The following TNNI3K variants were observed in gnomAD, a reference collection of about 807,000 sequenced individuals.
TNNI3K encodes serine/threonine-protein kinase TNNI3K.
Under a neutral mutation model 114.5 loss-of-function variants are expected in TNNI3K, and 140 were observed. That is an observed-to-expected ratio of 1.22 (90% CI 1.07 to 1.41). TNNI3K has a LOEUF of 1.41. Ranked by LOEUF, TNNI3K falls within the 40% of genes most tolerant of loss-of-function variation. The pLI, the probability that TNNI3K is intolerant of heterozygous loss-of-function variation, is 0.00. For synonymous variants in TNNI3K, 347 were observed against 347.5 expected, an observed-to-expected ratio of 1.00 and a Z score of 0.02; for missense variants, 1,125 against 1,007.6, an observed-to-expected ratio of 1.12 and a Z score of -1.58.
rs555206982 is a variant in TNNI3K at position 74,464,240 on chromosome 1, G to A, written c.2121+690G>A. On this transcript the variant is annotated intron_variant, in intron 21 of 24. Transcript: ENST00000326637. The stretch of plus-strand genomic sequence containing the variant: ...TCTGCTTTGTTCTCAGAGTGTCACC[G>A]AGGAGATTGCACAACTTCTTTCCTA... Among the ~76,000 whole-genome samples, 23 of 152,270 alleles carry A rather than the reference G, an allele frequency of 1.5e-4. 2 individuals carry two copies. The East Asian group carries it at 3.9e-3, about 26-fold the overall frequency.
At chr1:74,459,628 T>G (rs1016111748) in intron 20 of TNNI3K, among the ~76,000 whole-genome samples, 3 of 152,222 alleles carry the variant, frequency 2.0e-5, no homozygotes, top group South Asian at 2.1e-4. Context: ...CCAGATTATT[T>G]TTGGTTTATT....
chr1:74,367,953 G>A lies in TNNI3K; in HGVS notation c.1310G>A (p.Ser437Asn), dbSNP rs1394161935. 1.3e-6 allele frequency: 2 copies of A among 1,566,744 alleles called. No individual in the cohort carries two copies. The highest frequency in any genetic ancestry group is 3.9e-5 in the Admixed American group (2 of 51,210). ...SVPSPLGKIK[S>N]MTKEKADILL... is the part of the protein sequence containing the mutation. ...CCATCACCCTTGGGGAAGATTAAAAGCATGACAAAAGGTACCTATAATCTG... is the reference window on the plus strand; with the variant it reads ...CCATCACCCTTGGGGAAGATTAAAAACATGACAAAAGGTACCTATAATCTG... The change falls in exon 13 of 25, where the codon AGC becomes AAC. Residue 437 changes from serine to asparagine, a missense_variant. Coordinates refer to ENST00000326637, the MANE Select transcript of TNNI3K (RefSeq NM_015978.3).
Position 74,343,103 on chromosome 1 carries a change from G to A in TNNI3K, c.856G>A (p.Ala286Thr). The A allele has an allele frequency of 6.2e-7, 1 of 1,613,406 alleles. No homozygotes were observed. The change falls in exon 9 of 25, where the codon GCC becomes ACC. Residue 286 changes from alanine (A) to threonine (T), a missense_variant. Physicochemically the swap from Ala to Thr is moderately conservative, Grantham distance 58 (BLOSUM62 0). Coordinates refer to ENST00000326637, the MANE Select transcript of TNNI3K (RefSeq NM_015978.3). The stretch of plus-strand genomic sequence containing the variant: ...ATGCTACAATGGCAAATTTGAAGTT[G>A]CCAAGGAAATCATCCAAATATCAGG... Reference protein sequence around the residue: ...LACYNGKFEVAKEIIQISGTE... With the variant: ...LACYNGKFEVTKEIIQISGTE...
At chr1:74,519,509 AG>A (rs1160167133) in intron 23 of TNNI3K, among the ~76,000 whole-genome samples, 2 of 148,910 alleles carry the variant, frequency 1.3e-5, no homozygotes, top group South Asian at 2.1e-4. Flanking sequence ...ACAGTGTAAA[AG>A]TGTTCCTATT....
chr1:74,504,439 T>C (rs377167843), intron 23 of TNNI3K, among the ~76,000 whole-genome samples: 1 of 152,138 alleles, frequency 6.6e-6, no homozygotes, highest in Non-Finnish European at 1.5e-5. Flanking sequence ...AGCCTCAAAG[T>C]TGAGGAGCAT....
chr1:74,333,803 A>G (rs1277826162), intron 6 of TNNI3K, among the ~76,000 whole-genome samples: 3 of 152,246 alleles, frequency 2.0e-5, no homozygotes, highest in African/African-American at 7.2e-5. Context: ...GGTATGTAAT[A>G]ATAGTCCTTA....
chr1:74,478,247 TTA>T (rs1262797275), intron 21 of TNNI3K, among the ~76,000 whole-genome samples: 1 of 152,138 alleles, frequency 6.6e-6, no homozygotes, highest in Non-Finnish European at 1.5e-5. Context: ...GCACTACAAT[TTA>T]ACAATTATTT....
chr1:74,509,747 C>CTTTTT (rs68193106), intron 23 of TNNI3K, among the ~76,000 whole-genome samples: 22 of 47,818 alleles, frequency 4.6e-4, no homozygotes, highest in East Asian at 1.7e-3. Flanking sequence ...ATCTGAATTT[C>CTTTTT]TTTTTTTTTT....
intron 17 of TNNI3K, 32 bp downstream of exon 17, chr1:74,370,424 G>A (rs749945969): frequency 6.4e-7 from 1 of 1,566,336 alleles, no homozygotes; most frequent in East Asian, 2.3e-5. Context: ...AACTCAGAAG[G>A]GTATGACTAA....
intron 23 of TNNI3K, among the ~76,000 whole-genome samples, chr1:74,498,680 C>T (rs1369094219): frequency 1.3e-5 from 2 of 152,018 alleles, no homozygotes; most frequent in African/African-American, 4.8e-5. Context: ...AATATATTCT[C>T]ATCCAAAAAT....
At chr1:74,343,643 T>C (rs1259618845) in intron 9 of TNNI3K, among the ~76,000 whole-genome samples, 1 of 152,146 alleles carries the variant, frequency 6.6e-6, no homozygotes, top group East Asian at 1.9e-4. Flanking sequence ...AAAACATCCA[T>C]CTGTCAGCCT....
rs796176905 is a variant in TNNI3K, at chr1:74,442,701, AT to A, written c.2011+3083del. On this transcript the variant is annotated intron_variant, in intron 20 of 24. Coordinates refer to ENST00000326637, the MANE Select transcript of TNNI3K (RefSeq NM_015978.3). ...ATTTTTATTATACTTATCTCTATCT[AT>A]TTTGTGTCTCTTGATATATTGTAAA... Among the ~76,000 whole-genome samples, 11 of 152,146 alleles carry A rather than the reference AT, an allele frequency of 7.2e-5. No homozygotes were observed. The South Asian group carries it at 1.9e-3, about 26-fold the overall frequency.
At chr1:74,398,416 C>A (rs1413461064) in intron 17 of TNNI3K, among the ~76,000 whole-genome samples, 1 of 152,122 alleles carries the variant, frequency 6.6e-6, no homozygotes, top group Non-Finnish European at 1.5e-5. Flanking sequence ...GGGATTTATA[C>A]CCTTGCTAAA....
intron 5 of TNNI3K, among the ~76,000 whole-genome samples, chr1:74,320,963 T>G (rs1659579568): frequency 6.6e-6 from 1 of 152,222 alleles, no homozygotes; most frequent in East Asian, 1.9e-4. Flanking sequence ...TGAAGATAGG[T>G]GCAATGTGAG....
At chr1:74,244,173 G>T (rs1654416346) in intron 2 of TNNI3K, among the ~76,000 whole-genome samples, 2 of 152,118 alleles carry the variant, frequency 1.3e-5, no homozygotes, top group South Asian at 4.1e-4. Flanking sequence ...GTACATTCCA[G>T]TTATTAAAGT....
chr1:74,527,609 G>A (rs1197127096), intron 23 of TNNI3K, among the ~76,000 whole-genome samples: 1 of 152,208 alleles, frequency 6.6e-6, no homozygotes, highest in African/African-American at 2.4e-5. Context: ...CCAGAAGGAG[G>A]TAGAGGCCAG....
intron 20 of TNNI3K, among the ~76,000 whole-genome samples, chr1:74,443,846 T>C (rs1265333625): frequency 1.3e-5 from 2 of 152,238 alleles, no homozygotes; most frequent in Non-Finnish European, 2.9e-5. Flanking sequence ...GATGTAAGGC[T>C]GGTTCAGCAT....
intron 20 of TNNI3K, among the ~76,000 whole-genome samples, chr1:74,451,694 T>TTCTTTTC (rs58585385): frequency 3.0e-4 from 17 of 56,288 alleles, no homozygotes; most frequent in African/African-American, 9.4e-4. Flanking sequence ...TTTCTTTCTT[T>TTCTTTTC]CTTTCTTTCT....
At chr1:74,388,675 A>G (rs1424864139) in intron 17 of TNNI3K, among the ~76,000 whole-genome samples, 1 of 152,162 alleles carries the variant, frequency 6.6e-6, no homozygotes, top group Non-Finnish European at 1.5e-5. Flanking sequence ...TATCTTTCTG[A>G]CTTATCTGAA....
Sources: allele counts gnomAD v4.1 joint callset (sites outside exome capture counted in the v4.1 genomes callset), GRCh38; gene constraint gnomAD v4.1.1; transcripts MANE v1.5; gene names NCBI Gene and HGNC (gene_info 2026-07-23, HGNC 2026-07-21).